ARHGAP12: variants seen among roughly 807,000 people sequenced by gnomAD.
ARHGAP12 encodes Rho GTPase activating protein 12.
A neutral mutation model predicts 108.6 loss-of-function variants in ARHGAP12; 64 were observed. That is an observed-to-expected ratio of 0.59 (90% confidence interval 0.48 to 0.73). The LOEUF is 0.73. Among genes scored for constraint, ARHGAP12 ranks in the 30% least tolerant of loss-of-function variants. The pLI, the probability that ARHGAP12 is intolerant of heterozygous loss-of-function variation, is 0.00. For missense variants in ARHGAP12, 940 were observed against 1,005.9 expected (o/e 0.93, Z 0.89); for synonymous variants, 312 against 337.2 (o/e 0.93, Z 0.82).
At chr10:31,885,367 T>C (rs767941706) in intron 3 of ARHGAP12, among the ~76,000 whole-genome samples, 1 of 152,202 alleles carries the variant, frequency 6.6e-6, no homozygotes, top group Non-Finnish European at 1.5e-5. Flanking sequence ...ATCTATCCAG[T>C]GCTTGACACA....
chr10:31,917,139 T>C (rs961137477), intron 1 of ARHGAP12, among the ~76,000 whole-genome samples: 4 of 151,618 alleles, frequency 2.6e-5, no homozygotes, highest in South Asian at 2.1e-4. Flanking sequence ...CCGGGCGCGA[T>C]GGCTCACACC....
intron 3 of ARHGAP12, among the ~76,000 whole-genome samples, chr10:31,874,379 A>G (rs1269952415): frequency 6.6e-6 from 1 of 152,156 alleles, no homozygotes; most frequent in Non-Finnish European, 1.5e-5. Context: ...AACTACATAA[A>G]TGGGTTTCTA....
chr10:31,911,735 C>T (rs1049587618), intron 1 of ARHGAP12, among the ~76,000 whole-genome samples: 4 of 152,188 alleles, frequency 2.6e-5, no homozygotes, highest in African/African-American at 9.7e-5. Context: ...CTATGTGATG[C>T]AATAAAACAT....
chr10:31,823,497 C>T (rs532145875), intron 11 of ARHGAP12, among the ~76,000 whole-genome samples: 37 of 151,144 alleles, frequency 2.4e-4, no homozygotes, highest in South Asian at 1.0e-3. Flanking sequence ...AAAATCAATA[C>T]GAACCATGAA....
At chr10:31,817,995 T>TA (rs1320031279) in intron 12 of ARHGAP12, 109 bp from the exon 13 acceptor site, 3 of 742,358 alleles carry the variant, frequency 4.0e-6, no homozygotes, top group Non-Finnish European at 6.8e-6. Context: ...GTAGCTGCCA[T>TA]ATATTATGTA....
chr10:31,859,273 C>A (rs2132301377), intron 4 of ARHGAP12, among the ~76,000 whole-genome samples: 1 of 152,290 alleles, frequency 6.6e-6, no homozygotes, highest in East Asian at 1.9e-4. Flanking sequence ...GACCTAAAGA[C>A]ATCTGTGGAC....
intron 1 of ARHGAP12, among the ~76,000 whole-genome samples, chr10:31,926,307 T>C (rs773662877): frequency 6.7e-6 from 1 of 149,940 alleles, no homozygotes; most frequent in Non-Finnish European, 1.5e-5. Context: ...CAAAGCCATA[T>C]ACCAATGAGC....
At chr10:31,821,681 T>C (rs1245158884) in intron 11 of ARHGAP12, among the ~76,000 whole-genome samples, 1 of 152,190 alleles carries the variant, frequency 6.6e-6, no homozygotes, top group Admixed American at 6.5e-5. Flanking sequence ...TTTTTAGCTA[T>C]CAGTGTGAAC....
At chr10:31,833,020 C>T (rs1304656289) in intron 9 of ARHGAP12, among the ~76,000 whole-genome samples, 6 of 151,858 alleles carry the variant, frequency 4.0e-5, no homozygotes, top group African/African-American at 1.5e-4. Context: ...TCAACAAAAA[C>T]ATTAATAACA....
chr10:31,905,828 G>T (rs1324238094), intron 3 of ARHGAP12, among the ~76,000 whole-genome samples: 1 of 141,358 alleles, frequency 7.1e-6, no homozygotes, highest in Non-Finnish European at 1.5e-5. Flanking sequence ...TGTATTTATA[G>T]ATCTGATGGT....
At chr10:31,869,239 T>A (rs577070510) in intron 3 of ARHGAP12, among the ~76,000 whole-genome samples, 3 of 151,904 alleles carry the variant, frequency 2.0e-5, no homozygotes, top group South Asian at 2.1e-4. Flanking sequence ...TTTCATACTT[T>A]AAAAAAAATA....
chr10:31,837,194 T>C (rs1463349685), intron 9 of ARHGAP12, among the ~76,000 whole-genome samples: 1 of 152,244 alleles, frequency 6.6e-6, no homozygotes, highest in Non-Finnish European at 1.5e-5. Flanking sequence ...GTGGGAACTG[T>C]GCATTACCTA....
chr10:31,886,705 CCTT>C (rs1838201889), intron 3 of ARHGAP12, among the ~76,000 whole-genome samples: 2 of 152,242 alleles, frequency 1.3e-5, no homozygotes, highest in South Asian at 4.1e-4. Context: ...ACCACCATTG[CCTT>C]CTTTGGTTAT....
intron 6 of ARHGAP12, 24 bp from the exon 7 acceptor site, chr10:31,843,610 C>A (rs1335278516): frequency 1.9e-6 from 3 of 1,565,314 alleles, no homozygotes; most frequent in African/African-American, 1.4e-5. Flanking sequence ...AAGCAAAAAA[C>A]ACAAAAAACA....
At chr10:31,906,933 C>T (rs1839156756) in intron 3 of ARHGAP12, among the ~76,000 whole-genome samples, 2 of 152,146 alleles carry the variant, frequency 1.3e-5, no homozygotes, top group South Asian at 4.1e-4. Context: ...CAGAGTATCA[C>T]ATAAAGACTG....
intron 3 of ARHGAP12, 64 bp downstream of exon 3, chr10:31,908,108 A>G (rs565380275): frequency 6.3e-6 from 9 of 1,430,242 alleles, no homozygotes; most frequent in Admixed American, 4.8e-5. Context: ...TATTTCAATT[A>G]AAACTATAAC....
At chr10:31,844,803 A>G (rs943022481) in intron 6 of ARHGAP12, among the ~76,000 whole-genome samples, 2 of 150,568 alleles carry the variant, frequency 1.3e-5, no homozygotes, top group Non-Finnish European at 2.9e-5. Context: ...CTTAATTACC[A>G]TAGCAGGAAC....
At chr10:31,856,407 A>G (rs1836887656) in intron 4 of ARHGAP12, among the ~76,000 whole-genome samples, 1 of 152,154 alleles carries the variant, frequency 6.6e-6, no homozygotes, top group Non-Finnish European at 1.5e-5. Context: ...CTATCCCACA[A>G]TACAGAGCTG....
Position 31,874,333 on chromosome 10 carries a change from G to A in ARHGAP12, c.685-12675C>T, listed in dbSNP as rs537520725. 4.6e-5 allele frequency among the ~76,000 whole-genome samples: 7 copies of A among 152,176 alleles called. No homozygotes were observed. The South Asian group carries it at 1.5e-3, about 32-fold the overall frequency. ...TTGAAAAACACTACCTAAGGAAAAG[G>A]TAGTGGAAAAGGTTGTGTTCACTTC... On this transcript the variant is annotated intron_variant, in intron 3 of 19. Coordinates refer to ENST00000344936, the MANE Select transcript of ARHGAP12 (RefSeq NM_018287.7).
Sources: allele counts gnomAD v4.1 joint callset (sites outside exome capture counted in the v4.1 genomes callset), GRCh38; gene constraint gnomAD v4.1.1; transcripts MANE v1.5; gene names NCBI Gene and HGNC (gene_info 2026-07-23, HGNC 2026-07-21).